Variants in CDK5RAP2 observed in about 807,000 individuals in gnomAD.
CDK5RAP2 encodes CDK5 regulatory subunit-associated protein 2.
A neutral mutation model predicts 232.9 loss-of-function variants in CDK5RAP2; 147 were observed. The observed-to-expected ratio is 0.63, with a 90% CI of 0.55 to 0.72. The LOEUF is 0.72. Among genes scored for constraint, CDK5RAP2 ranks in the 30% least tolerant of loss-of-function variants. The probability of loss-of-function intolerance (pLI) is 0.00; values close to 1 mark genes in which losing one functional copy is unlikely to be tolerated. For missense variants in CDK5RAP2, 2,195 were observed against 2,231.5 expected (o/e 0.98, Z 0.33); for synonymous variants, 833 against 833.7 (o/e 1.00, Z 0.01).
chr9:120,396,024 C>T (rs1246525057), intron 35 of CDK5RAP2, among the ~76,000 whole-genome samples: 3 of 152,232 alleles, frequency 2.0e-5, no homozygotes, highest in African/African-American at 7.2e-5. Context: ...ATGTGAAACT[C>T]CAATCAGCAG....
rs1186360190 is a variant in CDK5RAP2, at chr9:120,402,988, C to T, written c.5125G>A (p.Val1709Met). The change falls in exon 34 of 38, where the codon GTG (valine) becomes ATG (methionine). Residue 1709 changes from valine (V) to methionine (M), a missense_variant. Physicochemically the swap from Val to Met is conservative, Grantham distance 21 (BLOSUM62 1). Coordinates refer to ENST00000349780, the MANE Select transcript of CDK5RAP2 (RefSeq NM_018249.6). ...SGSSATSTPC[V>M]SRLVTGHHLW... The stretch of plus-strand genomic sequence containing the variant: ...TGGTGGCCAGTGACCAGGCGGGACA[C>T]ACACGGAGTGCTAGTTGCCGAACTG... 1 of 1,614,202 alleles carries T rather than the reference C, an allele frequency of 6.2e-7. No individual in the cohort carries two copies. Among genetic ancestry groups the T allele is most frequent in the Non-Finnish European group, 8.5e-7 (1 of 1,180,032 alleles).
chr9:120,389,696 C>T, intron 37 of CDK5RAP2, 45 bp downstream of exon 37: 1 of 1,589,148 alleles, frequency 6.3e-7, no homozygotes, highest in African/African-American at 1.3e-5. Flanking sequence ...CTGCACTCCT[C>T]CTGACCTTCC....
chr9:120,413,503 C>T (rs141223980), intron 28 of CDK5RAP2, among the ~76,000 whole-genome samples: 2 of 152,338 alleles, frequency 1.3e-5, no homozygotes, highest in African/African-American at 2.4e-5. Flanking sequence ...GAGAACAGCA[C>T]GTCTTTCCAC....
intron 3 of CDK5RAP2, among the ~76,000 whole-genome samples, chr9:120,557,834 G>A (rs1347752042): frequency 2.5e-4 from 37 of 145,858 alleles, no homozygotes; most frequent in Non-Finnish European, 3.2e-4. Context: ...GTGCAATCTC[G>A]GCTCACTGCA....
chr9:120,438,345 G>A (rs1426679392), intron 24 of CDK5RAP2, among the ~76,000 whole-genome samples: 3 of 152,106 alleles, frequency 2.0e-5, no homozygotes, highest in Admixed American at 2.0e-4. Context: ...TCTCCTTCCT[G>A]GAAATGACAA....
At chr9:120,557,868 G>A (rs1482813146) in intron 3 of CDK5RAP2, among the ~76,000 whole-genome samples, 4 of 148,806 alleles carry the variant, frequency 2.7e-5, no homozygotes, top group East Asian at 2.1e-4. Flanking sequence ...GGGTTCAAGC[G>A]ATTCTCCCTG....
chr9:120,421,643 C>A (rs535497744), intron 26 of CDK5RAP2, among the ~76,000 whole-genome samples: 27 of 152,304 alleles, frequency 1.8e-4, no homozygotes, highest in African/African-American at 6.5e-4. Flanking sequence ...TCTTTAACAA[C>A]TAAATAAAGG....
chr9:120,436,976 G>A (rs2035619523), intron 25 of CDK5RAP2, among the ~76,000 whole-genome samples: 1 of 152,096 alleles, frequency 6.6e-6, no homozygotes, highest in African/African-American at 2.4e-5. Flanking sequence ...TGGAAAATTT[G>A]TAAGATGCAA....
rs943926970 is a variant in CDK5RAP2, at chr9:120,466,906, G to A, written c.2106+954C>T. Among the ~76,000 whole-genome samples the A allele has an allele frequency of 5.9e-5, 9 of 152,292 alleles. No homozygotes were observed. In the East Asian group the frequency reaches 1.2e-3, roughly 20 times the overall value. On this transcript the variant is annotated intron_variant, in intron 18 of 37. Coordinates refer to ENST00000349780, the MANE Select transcript of CDK5RAP2 (RefSeq NM_018249.6). ...TAGAGCAGAAGACAACCCCAACCAG[G>A]AAGATTCCAGTTTCATACGTGAGGG...
chr9:120,401,609 T>C (rs1342240381), intron 34 of CDK5RAP2, among the ~76,000 whole-genome samples: 1 of 18,940 alleles, frequency 5.3e-5, no homozygotes, highest in Non-Finnish European at 9.6e-5. Flanking sequence ...AGACCCTGTC[T>C]CAAAAAAAAA....
chr9:120,448,348 T>C (rs2036307350), intron 21 of CDK5RAP2, among the ~76,000 whole-genome samples: 1 of 152,234 alleles, frequency 6.6e-6, no homozygotes, highest in Non-Finnish European at 1.5e-5. Context: ...GCCACCCTCC[T>C]GGCCCTGGCC....
At chr9:120,550,644 A>C in intron 4 of CDK5RAP2, 148 bp downstream of exon 4, 1 of 670,366 alleles carries the variant, frequency 1.5e-6, no homozygotes, top group Non-Finnish European at 2.7e-6. Context: ...AAGTCATCCT[A>C]ATATCTTTAT....
intron 10 of CDK5RAP2, 114 bp from the exon 11 acceptor site, chr9:120,525,192 C>G: frequency 1.2e-6 from 1 of 824,266 alleles, no homozygotes; most frequent in East Asian, 2.7e-5. Context: ...GCTTTGTAGT[C>G]AGAAGAGATT....
Position 120,389,264 on chromosome 9 carries a change from G to A in CDK5RAP2, c.5654C>T (p.Thr1885Ile). The change falls in exon 38 of 38, where the codon ACA becomes ATA. Residue 1885 changes from threonine to isoleucine, a missense_variant. Coordinates refer to ENST00000349780, the MANE Select transcript of CDK5RAP2 (RefSeq NM_018249.6). ...ELRPGGAHPG[T>I]CSPSRPGS is the part of the protein sequence containing the mutation. ...GGAGCCTGGTCTGCTGGGACTGCAT[G>A]TTCCTGGATGGGCTCCCCCAGGCCT... The A allele has an allele frequency of 1.2e-6, 2 of 1,613,008 alleles. No homozygotes were observed. Among genetic ancestry groups the A allele is most frequent in the Non-Finnish European group, 1.7e-6 (2 of 1,179,462 alleles).
In CDK5RAP2 at chr9:120,518,657, G is replaced by A; in HGVS notation, c.1093-12C>T. The A allele has an allele frequency of 1.2e-6, 2 of 1,609,354 alleles. No homozygotes were observed. Among genetic ancestry groups the A allele is most frequent in the Non-Finnish European group, 1.7e-6 (2 of 1,176,026 alleles). ...TAGTCTTCAGACCCCTAGAAGAGAA[G>A]GCAGAGAAGCAAGATGAGCTAATTT... is the stretch of plus-strand genomic sequence containing the variant. On this transcript the variant is annotated splice_polypyrimidine_tract_variant and intron_variant, in intron 11 of 37. Coordinates refer to ENST00000349780, the MANE Select transcript of CDK5RAP2 (RefSeq NM_018249.6).
chr9:120,390,690 A>T (rs1013907520), intron 36 of CDK5RAP2, among the ~76,000 whole-genome samples: 1 of 151,910 alleles, frequency 6.6e-6, no homozygotes, highest in Non-Finnish European at 1.5e-5. Context: ...AGATCAGCTT[A>T]CTCCCCACGT....
At chr9:120,421,054 CTAGTCCCAGCT>C (rs2131374161) in intron 26 of CDK5RAP2, among the ~76,000 whole-genome samples, 1 of 152,338 alleles carries the variant, frequency 6.6e-6, no homozygotes, top group African/African-American at 2.4e-5. Flanking sequence ...GTGATCATGT[CTAGTCCCAGCT>C]TACCTTCCTT....
At chr9:120,408,112 G>A (rs1471582830) in intron 31 of CDK5RAP2, 2 of 552,100 alleles carry the variant, frequency 3.6e-6, no homozygotes, top group African/African-American at 3.7e-5. Flanking sequence ...CTGGGAACAA[G>A]TGAGTGGGAA....
At chr9:120,565,702 G>C (rs1388996969) in intron 3 of CDK5RAP2, among the ~76,000 whole-genome samples, 1 of 152,066 alleles carries the variant, frequency 6.6e-6, no homozygotes, top group Non-Finnish European at 1.5e-5. Context: ...ATGCTCCCTA[G>C]CTCTCCCCAC....
Sources: allele counts gnomAD v4.1 joint callset (sites outside exome capture counted in the v4.1 genomes callset), GRCh38; gene constraint gnomAD v4.1.1; transcripts MANE v1.5; gene names NCBI Gene and HGNC (gene_info 2026-07-23, HGNC 2026-07-21).